Variants in AGT observed in about 807,000 individuals in gnomAD.
The protein encoded by AGT is alpha-1 antiproteinase, antitrypsin.
In AGT, 26 loss-of-function variants were observed where a neutral mutation model predicts 28.1. The ratio of observed to expected loss-of-function variants is 0.92; its 90% CI spans 0.68 to 1.28. The LOEUF is 1.28. Ranked by LOEUF, AGT falls within the 50% of genes most tolerant of loss-of-function variation. AGT has a pLI of 0.00. For synonymous variants in AGT, 259 were observed against 259.6 expected (o/e 1.00, Z 0.02); for missense variants, 596 against 592.3 (o/e 1.01, Z -0.06).
intron 2 of AGT, among the ~76,000 whole-genome samples, chr1:230,707,708 T>G (rs771834901): frequency 1.3e-5 from 2 of 152,186 alleles, no homozygotes; most frequent in Non-Finnish European, 2.9e-5. Context: ...AAGGGACAAT[T>G]CTTTTCTTCC....
At chr1:230,726,549 G>C (rs972771292) in intron 1 of AGT, among the ~76,000 whole-genome samples, 4 of 152,166 alleles carry the variant, frequency 2.6e-5, no homozygotes, top group African/African-American at 9.6e-5. Context: ...GGCTAAGGTG[G>C]GAGAGGGCTC....
chr1:230,710,124 C>T lies in AGT; in HGVS notation c.700G>A (p.Glu234Lys), dbSNP rs1390796924. ...VVLPRSLDFT[E>K]LDVAAEKIDR... is the part of the protein sequence containing the mutation. Reference sequence around the variant, plus strand: ...ATCTTCTCAGCAGCAACATCCAGTTCTGTGAAGTCCAGAGAGCGTGGGAGG... The same window carrying T: ...ATCTTCTCAGCAGCAACATCCAGTTTTGTGAAGTCCAGAGAGCGTGGGAGG... The change falls in exon 2 of 5, where the codon GAA becomes AAA. Residue 234 changes from glutamate to lysine, a missense_variant. Coordinates refer to ENST00000366667, the MANE Select transcript of AGT (RefSeq NM_001384479.1). 6.2e-7 allele frequency: 1 copy of T among 1,614,184 alleles called. No individual in the cohort carries two copies. Among genetic ancestry groups the T allele is most frequent in the Non-Finnish European group, 8.5e-7 (1 of 1,180,040 alleles).
At chr1:230,739,939 T>A (rs910228557) in intron 1 of AGT, among the ~76,000 whole-genome samples, 1 of 152,200 alleles carries the variant, frequency 6.6e-6, no homozygotes, top group Non-Finnish European at 1.5e-5. Flanking sequence ...AAAGCAAGTT[T>A]ATAAAGACGT....
In AGT at chr1:230,710,586, C is replaced by A. The variant is rs748818704; in HGVS notation, c.238G>T (p.Val80Leu). 1 of 1,614,270 alleles carries A rather than the reference C, an allele frequency of 6.2e-7. No homozygotes were observed. Among genetic ancestry groups the A allele is most frequent in the Non-Finnish European group, 8.5e-7 (1 of 1,180,054 alleles). ...GTGTCAAGTTTTGCAGCGACTAGCA[C>A]CAGCTGGTCCTGTAGGGCCTTTTCA... is the stretch of plus-strand genomic sequence containing the variant. The part of the protein sequence containing the change: ...VDEKALQDQL[V>L]LVAAKLDTED... Residue 80 changes from valine (V) to leucine (L), a missense_variant, in exon 2 of 5, where the codon GTG becomes TTG. Physicochemically the swap from Val to Leu is conservative, Grantham distance 32 (BLOSUM62 1). Coordinates refer to ENST00000366667, the MANE Select transcript of AGT (RefSeq NM_001384479.1).
rs184761885 is a variant in AGT at position 230,730,077 on chromosome 1, C to T, written c.-31+15438G>A. On this transcript the variant is annotated intron_variant, in intron 1 of 4. Transcript: ENST00000681269. ...TCAGGAGGCTCCTGACCTTGTGATC[C>T]GCCCGGCTAATTTTTGTATTTTTAG... Among the ~76,000 whole-genome samples the T allele has an allele frequency of 8.5e-5, 13 of 152,128 alleles. No homozygotes were observed. The East Asian group carries it at 1.4e-3, about 16-fold the overall frequency.
At chr1:230,744,228 A>G (rs1247934137) in intron 1 of AGT, among the ~76,000 whole-genome samples, 3 of 152,226 alleles carry the variant, frequency 2.0e-5, no homozygotes, top group Admixed American at 2.0e-4. Context: ...AGTTTCTGTA[A>G]CTATTGTTCA....
chr1:230,704,063 G>T, intron 4 of AGT, 130 bp downstream of exon 4: 1 of 1,375,514 alleles, frequency 7.3e-7, no homozygotes, highest in Non-Finnish European at 1.0e-6. Context: ...TCCCACCTTT[G>T]GCCCTACTCT....
intron 1 of AGT, among the ~76,000 whole-genome samples, chr1:230,725,289 C>T (rs1016187222): frequency 3.3e-5 from 5 of 152,054 alleles, no homozygotes; most frequent in Admixed American, 1.3e-4. Flanking sequence ...TTTGTTTTGA[C>T]GGGGGATGCA....
At chr1:230,732,691 C>T (rs923667531) in intron 1 of AGT, among the ~76,000 whole-genome samples, 1 of 152,090 alleles carries the variant, frequency 6.6e-6, no homozygotes, top group African/African-American at 2.4e-5. Flanking sequence ...CTAAGAAAAT[C>T]GTAACAAAGA....
rs75924226 is a variant in AGT at position 230,737,127 on chromosome 1, C to G, written c.-31+8388G>C. 1.9e-3 allele frequency among the ~76,000 whole-genome samples: 295 copies of G among 152,228 alleles called. 1 individual carries two copies. Among genetic ancestry groups the G allele is most frequent in the African/African-American group, 6.6e-3 (274 of 41,546 alleles). ...CCCCTAGTTCTTGCTCATTTCCATG[C>G]CTGGTTCTTAGCTTCCCAGTCCATT... is the stretch of plus-strand genomic sequence containing the variant. On this transcript the variant is annotated intron_variant, in intron 1 of 4. Transcript: ENST00000681269.
chr1:230,726,267 AT>A (rs1485030987), intron 1 of AGT, among the ~76,000 whole-genome samples: 3 of 152,290 alleles, frequency 2.0e-5, no homozygotes, highest in Non-Finnish European at 4.4e-5. Flanking sequence ...AGACAGTGTT[AT>A]TTTCCCCCAT....
upstream of AGT, among the ~76,000 whole-genome samples, chr1:230,718,853 G>A (rs1289709999): frequency 6.6e-6 from 1 of 151,220 alleles, no homozygotes; most frequent in Non-Finnish European, 1.5e-5. Flanking sequence ...TGCCTCCCTG[G>A]TAGTTGGGAC....
intron 2 of AGT, among the ~76,000 whole-genome samples, chr1:230,707,510 C>T (rs995788947): frequency 1.3e-5 from 2 of 152,156 alleles, no homozygotes; most frequent in South Asian, 4.1e-4. Context: ...ATGGCTGTGC[C>T]TCCCCTGGGT....
At chr1:230,739,516 T>C (rs1664208491) in intron 1 of AGT, among the ~76,000 whole-genome samples, 1 of 149,578 alleles carries the variant, frequency 6.7e-6, no homozygotes, top group South Asian at 2.2e-4. Flanking sequence ...AGCAAATGAG[T>C]TTCTGAGGTT....
At chr1:230,742,883 G>A (rs1664272316) in intron 1 of AGT, among the ~76,000 whole-genome samples, 1 of 152,188 alleles carries the variant, frequency 6.6e-6, no homozygotes, top group African/African-American at 2.4e-5. Context: ...ATTTCTAGAA[G>A]GGAAACAGCT....
chr1:230,712,824 G>A (rs750491877), intron 1 of AGT, among the ~76,000 whole-genome samples: 4 of 152,130 alleles, frequency 2.6e-5, no homozygotes, highest in Non-Finnish European at 5.9e-5. Flanking sequence ...TGGTGCTCTG[G>A]GGTGGCGGGC....
intron 1 of AGT, among the ~76,000 whole-genome samples, chr1:230,720,715 G>C (rs1377338588): frequency 2.0e-5 from 3 of 152,140 alleles, no homozygotes; most frequent in Non-Finnish European, 2.9e-5. Flanking sequence ...CCTTTGAGTA[G>C]AGTCTTTGCT....
rs1558286359 is a variant in AGT at position 230,706,111 on chromosome 1, T to A, written c.919A>T (p.Met307Leu). The A allele has an allele frequency of 6.8e-6, 11 of 1,613,822 alleles. No individual in the cohort carries two copies. The highest frequency in any genetic ancestry group is 9.3e-6 in the Non-Finnish European group (11 of 1,179,992). Residue 307 changes from methionine (M) to leucine (L), a missense_variant, in exon 3 of 5, where the codon ATG becomes TTG. Transcript: ENST00000366667. ...TSVSVPMLSG[M>L]GTFQHWSDIQ... ...TCACTCCAGTGCTGGAAGGTGCCCA[T>A]GCCAGAGAGCATGGGAACAGACACT...
chr1:230,737,266 C>T (rs950752096), intron 1 of AGT, among the ~76,000 whole-genome samples: 1 of 152,054 alleles, frequency 6.6e-6, no homozygotes, highest in Non-Finnish European at 1.5e-5. Flanking sequence ...GCACAAAGTG[C>T]CATGCGTAGG....
Sources: gnomAD v4.1 joint callset for allele counts (sites outside exome capture counted in the v4.1 genomes callset) on GRCh38, gnomAD v4.1.1 for gene constraint, MANE v1.5 for transcripts, NCBI Gene and HGNC (gene_info 2026-07-23, HGNC 2026-07-21) for gene names.